JADE2: variants seen among roughly 807,000 people sequenced by gnomAD.
JADE2 encodes the protein jade family PHD finger 2, also known as E3 ubiquitin-protein ligase Jade-2.
JADE2 carries 13 observed loss-of-function variants against 85.7 expected under a neutral mutation model. The observed-to-expected ratio is 0.15, with a 90% confidence interval of 0.10 to 0.24. The LOEUF is 0.24. Among genes scored for constraint, JADE2 ranks in the 10% least tolerant of loss-of-function variants. The pLI is 1.00. For synonymous variants in JADE2, 440 were observed against 456.1 expected (o/e 0.96, Z 0.45); for missense variants, 846 against 1,115.9 (o/e 0.76, Z 3.45).
At position 134,550,494 on chromosome 5, in the gene JADE2, C is replaced by T. The variant is rs78013196; in HGVS notation, c.154-1558C>T. Among the ~76,000 whole-genome samples the T allele has an allele frequency of 4.6e-5, 7 of 152,280 alleles. No homozygotes were observed. In the East Asian group the frequency reaches 1.3e-3, roughly 29 times the overall value. On this transcript the variant is annotated intron_variant, in intron 3 of 11. Transcript: ENST00000681547. The stretch of plus-strand genomic sequence containing the variant: ...GCACAGCGGTGGATGCTGACTTTTC[C>T]AGGGAGGAATGTGGGGTTGGAGTTT...
In JADE2 at chr5:134,570,866, G is replaced by T. The variant is rs78566875; in HGVS notation, c.1435-2779G>T. Among the ~76,000 whole-genome samples, 146 of 152,266 alleles carry T rather than the reference G, an allele frequency of 9.6e-4. 1 individual carries two copies. The East Asian group carries it at 0.026, about 27-fold the overall frequency. The stretch of plus-strand genomic sequence containing the variant: ...TGCCCACAGTTTTGCCCCACGTGGG[G>T]GTGCTGGCTGCCCCTCCCTTTTGAG... On this transcript the variant is annotated intron_variant, in intron 9 of 11. Transcript: ENST00000681547.
intron 1 of JADE2, 149 bp downstream of exon 1, chr5:134,526,160 G>T (rs1760797315): frequency 2.0e-6 from 2 of 984,878 alleles, no homozygotes; most frequent in Non-Finnish European, 2.4e-6. Flanking sequence ...GTTCTAGGAA[G>T]CCAGCGCGGA....
chr5:134,562,328 C>T lies in JADE2; in HGVS notation c.813C>T (p.Thr271=), dbSNP rs1244075886. 6.2e-7 allele frequency: 1 copy of T among 1,613,956 alleles called. No individual in the cohort carries two copies. Among genetic ancestry groups the T allele is most frequent in the South Asian group, 1.1e-5 (1 of 91,048 alleles). Residue 271 remains threonine, a synonymous_variant, in exon 7 of 12, where the codon ACC becomes ACT. Coordinates refer to ENST00000681547, the MANE Select transcript of JADE2 (RefSeq NM_001388185.1). The surrounding 1 kb of genome is among the most constrained non-coding windows in gnomAD (Gnocchi z 4.6). ...GGALKPTRSG[T]KWVHVSCALW... is the part of the protein sequence containing the mutation. ...CCTTGAAGCCCACTAGAAGTGGGAC[C>T]AAGTGGGTGCATGTCAGCTGTGCCC...
intron 3 of JADE2, among the ~76,000 whole-genome samples, chr5:134,550,237 A>G (rs1162834752): frequency 6.6e-6 from 1 of 152,236 alleles, no homozygotes; most frequent in Non-Finnish European, 1.5e-5. Flanking sequence ...ATTGGCAAGT[A>G]AAGTCTTCAA....
chr5:134,529,837 G>C (rs1336760453), intron 1 of JADE2, among the ~76,000 whole-genome samples: 3 of 152,240 alleles, frequency 2.0e-5, no homozygotes, highest in South Asian at 2.1e-4. Flanking sequence ...AGGTTCTGAA[G>C]AACAAAGTAG....
rs62379977 is a variant in JADE2, at chr5:134,576,262, G to A, written c.1553-506G>A. Among the ~76,000 whole-genome samples, 933 of 152,162 alleles carry A rather than the reference G, an allele frequency of 6.1e-3. 10 individuals are homozygous for A. The highest frequency in any genetic ancestry group is 7.2e-3 in the Non-Finnish European group (493 of 68,014). On this transcript the variant is annotated intron_variant, in intron 10 of 11. Coordinates refer to ENST00000681547, the MANE Select transcript of JADE2 (RefSeq NM_001388185.1). ...AACTGAAAGGATACAAGGGCCAGGG[G>A]TGCACCCTGAATCTCCCATCTAGTT... is the stretch of plus-strand genomic sequence containing the variant.
At position 134,581,072 on chromosome 5, in the gene JADE2, C is replaced by T. The variant is rs752518227; in HGVS notation, c.*1755C>T. On this transcript the variant is annotated 3_prime_UTR_variant, in exon 12 of 12. Transcript: ENST00000681547. Reference sequence around the variant, plus strand: ...CCCTAACTCCAAAACTATCAAGGTACGACAGTGGCATTGTCATCGACACTC... The same window carrying T: ...CCCTAACTCCAAAACTATCAAGGTATGACAGTGGCATTGTCATCGACACTC... The T allele has an allele frequency of 6.6e-6, 1 of 152,584 alleles. No homozygotes were observed. The highest frequency in any genetic ancestry group is 1.5e-5 in the Non-Finnish European group (1 of 68,056). The allele number at this position is 152,584 out of a possible 1,614,324, so 9.5% of individuals were successfully genotyped here. A position where few individuals can be genotyped will look rare whatever the true frequency, so the allele number is the denominator to read the frequency against.
intron 11 of JADE2, 72 bp downstream of exon 11, chr5:134,576,968 C>T: frequency 1.4e-6 from 2 of 1,466,264 alleles, no homozygotes; most frequent in Non-Finnish European, 1.8e-6. Flanking sequence ...TCTGTCTGCC[C>T]TGCGGAAGGC....
In JADE2 at chr5:134,564,558, G is replaced by T; in HGVS notation, c.917G>T (p.Arg306Leu). 1 of 1,571,502 alleles carries T rather than the reference G, an allele frequency of 6.4e-7. No individual in the cohort carries two copies. Residue 306 changes from arginine to leucine, a missense_variant, in exon 8 of 12, where the codon CGC becomes CTC. By Grantham distance (102) the Arg-to-Leu change is moderately radical. Coordinates refer to ENST00000681547, the MANE Select transcript of JADE2 (RefSeq NM_001388185.1). ...AAGATCTCGCATATCCCAGCCAGCC[G>T]CTGGGCTCTGTCCTGCAGCCTCTGC... ...ITKISHIPAS[R>L]WALSCSLCKE...
Position 134,580,086 on chromosome 5 carries a change from T to C in JADE2, c.*769T>C, listed in dbSNP as rs1226101137. 1 of 152,652 alleles carries C rather than the reference T, an allele frequency of 6.6e-6. No homozygotes were observed. Among genetic ancestry groups the C allele is most frequent in the Non-Finnish European group, 1.5e-5 (1 of 68,120 alleles). The allele number at this position is 152,652 out of a possible 1,614,324, so 9.5% of individuals were successfully genotyped here. On this transcript the variant is annotated 3_prime_UTR_variant, in exon 12 of 12. Transcript: ENST00000681547. ...CCAGCTGCCAGTGCAGGTGGAGGGC[T>C]GTAGGGGAGGGCCAGTGCCCAGACA...
At chr5:134,531,563 C>T (rs1376084461) in intron 1 of JADE2, among the ~76,000 whole-genome samples, 17 of 152,016 alleles carry the variant, frequency 1.1e-4, no homozygotes, top group Admixed American at 1.1e-3. Context: ...AGGTGCATAT[C>T]ACCATGTCCA....
chr5:134,550,910 A>C (rs1344655543), intron 3 of JADE2, among the ~76,000 whole-genome samples: 1 of 151,474 alleles, frequency 6.6e-6, no homozygotes, highest in African/African-American at 2.4e-5. Context: ...AACAAAGACA[A>C]CCCTCTCCTT....
At chr5:134,557,434 G>T (rs1295262993) in intron 4 of JADE2, among the ~76,000 whole-genome samples, 2 of 131,648 alleles carry the variant, frequency 1.5e-5, no homozygotes, top group African/African-American at 2.9e-5. Flanking sequence ...CATTGTGCAG[G>T]TTTGTTACAT....
Position 134,531,731 on chromosome 5 carries a change from C to T in JADE2, c.1-4127C>T, listed in dbSNP as rs144210115. On this transcript the variant is annotated intron_variant, in intron 1 of 11. Coordinates refer to ENST00000681547, the MANE Select transcript of JADE2 (RefSeq NM_001388185.1). ...CAGAGTAGCTGAGATTACAGGCTTC[C>T]GCCACTAAGCCTGGCTAATTTTTGT... Among the ~76,000 whole-genome samples the T allele has an allele frequency of 5.5e-3, 836 of 151,968 alleles. 4 individuals are homozygous for T. Among genetic ancestry groups the T allele is most frequent in the African/African-American group, 0.019 (791 of 41,452 alleles).
chr5:134,576,925 C>T (rs1444401092), intron 11 of JADE2, 29 bp downstream of exon 11: 1 of 1,515,186 alleles, frequency 6.6e-7, no homozygotes, highest in South Asian at 1.3e-5. Flanking sequence ...GGCCTGCAGA[C>T]ACGGCAGGCT....
intron 1 of JADE2, chr5:134,533,469 A>G (rs1581393845): frequency 1.1e-6 from 1 of 897,906 alleles, no homozygotes; most frequent in East Asian, 1.2e-4. Flanking sequence ...GAGAGGAGCT[A>G]GGATTTGAAC....
chr5:134,579,580 C>G lies in JADE2; in HGVS notation c.*263C>G. 1 of 448,912 alleles carries G rather than the reference C, an allele frequency of 2.2e-6. No individual in the cohort carries two copies. Among genetic ancestry groups the G allele is most frequent in the South Asian group, 4.4e-5 (1 of 22,760 alleles). The allele number at this position is 448,912 out of a possible 1,614,324, so 27.8% of individuals were successfully genotyped here. On this transcript the variant is annotated 3_prime_UTR_variant, in exon 12 of 12. Coordinates refer to ENST00000681547, the MANE Select transcript of JADE2 (RefSeq NM_001388185.1). The surrounding 1 kb of genome is among the most constrained non-coding windows in gnomAD (Gnocchi z 4.6). ...CCGCGCACCATCCCTGCCCTGCCCA[C>G]GTGGTATTGCTGGGCTCCTGGCTAG...
At chr5:134,568,083 C>G (rs60510894) in intron 9 of JADE2, among the ~76,000 whole-genome samples, 3,239 of 152,318 alleles carry the variant, frequency 0.021, 99 homozygotes, top group African/African-American at 0.074. Context: ...TCCCAAACAA[C>G]CCCTCAGAAC....
chr5:134,546,182 G>A (rs978909736), intron 3 of JADE2, among the ~76,000 whole-genome samples: 1 of 148,822 alleles, frequency 6.7e-6, no homozygotes, highest in Non-Finnish European at 1.5e-5. Context: ...TTGTTTGTTT[G>A]TTTTGAGACA....
Sources: gnomAD v4.1 joint callset for allele counts (sites outside exome capture counted in the v4.1 genomes callset) on GRCh38, gnomAD v4.1.1 for gene constraint, Gnocchi (gnomAD v3.1) non-coding constraint, MANE v1.5 for transcripts, NCBI Gene and HGNC (gene_info 2026-07-23, HGNC 2026-07-21) for gene names.